Variants in DOCK4 observed in about 807,000 individuals in gnomAD.
DOCK4 encodes the protein dedicator of cytokinesis protein 4.
A neutral mutation model predicts 268.1 loss-of-function variants in DOCK4; 97 were observed. The ratio of observed to expected loss-of-function variants is 0.36; its 90% CI spans 0.31 to 0.43. DOCK4 has a LOEUF of 0.43. DOCK4 is among the 20% of genes least tolerant of loss of function. The probability of loss-of-function intolerance (pLI) is 1.00; values close to 1 mark genes in which losing one functional copy is unlikely to be tolerated. For synonymous variants in DOCK4, 954 were observed against 887.2 expected (o/e 1.08, Z -1.34); for missense variants, 2,145 against 2,455.7 (o/e 0.87, Z 2.67).
chr7:112,111,232 A>G (rs1314797135), intron 1 of DOCK4, among the ~76,000 whole-genome samples: 1 of 152,138 alleles, frequency 6.6e-6, no homozygotes, highest in Non-Finnish European at 1.5e-5. Flanking sequence ...GACTCTGGGG[A>G]AGAAAAGCCA....
intron 1 of DOCK4, among the ~76,000 whole-genome samples, chr7:112,058,328 CA>C (rs1427342255): frequency 6.6e-6 from 1 of 151,992 alleles, no homozygotes; most frequent in Non-Finnish European, 1.5e-5. Context: ...CCCTCTACTC[CA>C]AGATGGCTCC....
chr7:112,050,064 A>G (rs1805209548), intron 1 of DOCK4, among the ~76,000 whole-genome samples: 1 of 152,176 alleles, frequency 6.6e-6, no homozygotes, highest in Non-Finnish European at 1.5e-5. Flanking sequence ...ACCTAGCATG[A>G]TGTCTGATAC....
rs530430791 is a variant in DOCK4, at chr7:111,787,866, G to T, written c.3401+796C>A. ...AATAAGCAAATTCTTCTTTCAAAAA[G>T]AAATACTTTGCACATATGTTAGATT... On this transcript the variant is annotated intron_variant, in intron 32 of 52. Coordinates refer to ENST00000428084, the MANE Select transcript of DOCK4 (RefSeq NM_001363540.2). 3.3e-5 allele frequency among the ~76,000 whole-genome samples: 5 copies of T among 152,250 alleles called. No homozygotes were observed. The East Asian group carries it at 9.6e-4, about 29-fold the overall frequency.
At chr7:111,738,873 G>A (rs1265691187) in intron 49 of DOCK4, among the ~76,000 whole-genome samples, 1 of 152,152 alleles carries the variant, frequency 6.6e-6, no homozygotes, top group Non-Finnish European at 1.5e-5. Flanking sequence ...AGGAGGTGGA[G>A]GTTGCAGTGA....
chr7:111,752,578 G>GTTTTTTTT (rs56037303), intron 42 of DOCK4, among the ~76,000 whole-genome samples: 15 of 82,210 alleles, frequency 1.8e-4, no homozygotes, highest in East Asian at 3.9e-4. Context: ...ATCAGCTTAG[G>GTTTTTTTT]TTTTTTTTTT....
At chr7:111,955,973 G>A (rs538770823) in intron 8 of DOCK4, among the ~76,000 whole-genome samples, 3 of 152,128 alleles carry the variant, frequency 2.0e-5, no homozygotes, top group Non-Finnish European at 4.4e-5. Context: ...AACTCATTAA[G>A]AATTTCACTA....
chr7:111,840,777 T>TCATGGG, intron 25 of DOCK4: 1 of 1,312,956 alleles, frequency 7.6e-7, no homozygotes, highest in Non-Finnish European at 9.9e-7. Flanking sequence ...TGTCTACTTG[T>TCATGGG]CATGGGCACT....
At position 111,932,120 on chromosome 7, in the gene DOCK4, A is replaced by G. The variant is rs1794251699; in HGVS notation, c.1066+3420T>C. Among the ~76,000 whole-genome samples the G allele has an allele frequency of 2.0e-5, 3 of 152,224 alleles. 1 individual carries two copies. In the South Asian group the frequency reaches 6.2e-4, roughly 32 times the overall value. The stretch of plus-strand genomic sequence containing the variant: ...ACCAACATTCCAGAGGCAATTGGGT[A>G]TGACCTCAGAGTTTGGACAATTATA... On this transcript the variant is annotated intron_variant, in intron 12 of 52. Transcript: ENST00000428084.
At chr7:111,759,521 T>C (rs991500513) in intron 40 of DOCK4, among the ~76,000 whole-genome samples, 2 of 152,176 alleles carry the variant, frequency 1.3e-5, no homozygotes, top group African/African-American at 4.8e-5. Flanking sequence ...ATGGTATTCA[T>C]AATTGTCAGT....
Position 111,728,058 on chromosome 7 carries a change from G to A in DOCK4, c.*216C>T. ...TATTTACCACTTCCAAATGAGAAAC[G>A]TTTTAATGAAATTCAGCCATACTTC... On this transcript the variant is annotated 3_prime_UTR_variant, in exon 53 of 53. Coordinates refer to ENST00000428084, the MANE Select transcript of DOCK4 (RefSeq NM_001363540.2). 1 of 409,132 alleles carries A rather than the reference G, an allele frequency of 2.4e-6. No individual in the cohort carries two copies. Among genetic ancestry groups the A allele is most frequent in the Non-Finnish European group, 4.2e-6 (1 of 235,746 alleles). The allele number at this position is 409,132 out of a possible 1,614,324, so 25.3% of individuals were successfully genotyped here. A position where few individuals can be genotyped will look rare whatever the true frequency, so the allele number is the denominator to read the frequency against.
At chr7:111,740,044 C>T in intron 47 of DOCK4, 1 of 377,338 alleles carries the variant, frequency 2.7e-6, no homozygotes, top group Non-Finnish European at 5.3e-6. Flanking sequence ...CCTTTGGAAA[C>T]TTTCTGATAT....
At chr7:111,981,044 G>A (rs73430820) in intron 7 of DOCK4, among the ~76,000 whole-genome samples, 2,124 of 152,310 alleles carry the variant, frequency 0.014, 39 homozygotes, top group African/African-American at 0.048. Context: ...TCTGCTAACA[G>A]GGCTATCAAG....
chr7:111,882,993 C>T (rs760437987), intron 16 of DOCK4, among the ~76,000 whole-genome samples: 2 of 152,176 alleles, frequency 1.3e-5, no homozygotes, highest in Non-Finnish European at 2.9e-5. Flanking sequence ...TGTTCTAATA[C>T]ACCTGTCCAG....
chr7:111,870,006 T>C (rs1195739516), intron 20 of DOCK4, among the ~76,000 whole-genome samples: 1 of 152,172 alleles, frequency 6.6e-6, no homozygotes, highest in Non-Finnish European at 1.5e-5. Context: ...CTCATTGGGA[T>C]TTCTTTCCCA....
intron 1 of DOCK4, among the ~76,000 whole-genome samples, chr7:112,173,964 T>C (rs1290374005): frequency 6.6e-6 from 1 of 152,116 alleles, no homozygotes; most frequent in African/African-American, 2.4e-5. Context: ...GGCTCAGAGA[T>C]GACCACTTCA....
At chr7:111,743,269 A>G (rs1329240341) in intron 44 of DOCK4, among the ~76,000 whole-genome samples, 2 of 152,308 alleles carry the variant, frequency 1.3e-5, no homozygotes, top group East Asian at 3.9e-4. Context: ...CGAATCCTAT[A>G]TCACCACAAG....
intron 1 of DOCK4, among the ~76,000 whole-genome samples, chr7:112,077,000 AG>A (rs1808128649): frequency 2.0e-5 from 3 of 152,150 alleles, no homozygotes; most frequent in African/African-American, 7.2e-5. Flanking sequence ...TAGTAAGTAG[AG>A]TACTTAGACG....
intron 1 of DOCK4, among the ~76,000 whole-genome samples, chr7:112,070,185 A>G (rs1197191245): frequency 6.6e-6 from 1 of 152,204 alleles, no homozygotes; most frequent in Non-Finnish European, 1.5e-5. Flanking sequence ...AGGCCAAATG[A>G]ATATAATGAC....
intron 49 of DOCK4, among the ~76,000 whole-genome samples, chr7:111,737,719 A>G (rs576313577): frequency 4.5e-4 from 68 of 152,334 alleles, no homozygotes; most frequent in African/African-American, 1.6e-3. Flanking sequence ...AGCAACATAT[A>G]TACTGCTTCC....
Sources: gnomAD v4.1 joint callset for allele counts (sites outside exome capture counted in the v4.1 genomes callset) on GRCh38, gnomAD v4.1.1 for gene constraint, MANE v1.5 for transcripts, NCBI Gene and HGNC (gene_info 2026-07-23, HGNC 2026-07-21) for gene names.